SAMTOR: variants seen among roughly 807,000 people sequenced by gnomAD.
SAMTOR encodes UPF0532 protein C7orf60.
the SAMTOR span, among the ~76,000 whole-genome samples, chr7:112,831,091 G>A: frequency 6.6e-6 from 1 of 151,598 alleles, no homozygotes; most frequent in Admixed American, 6.6e-5. Flanking sequence ...TACAGCAATA[G>A]AGGGAAAAAA....
At chr7:112,880,454 AC>A in the SAMTOR span, among the ~76,000 whole-genome samples, 257 of 152,308 alleles carry the variant, frequency 1.7e-3, 5 homozygotes, top group East Asian at 0.012. Context: ...TAAAGAAGCA[AC>A]TGATAAGCAC....
At chr7:112,934,564 G>A in the SAMTOR span, among the ~76,000 whole-genome samples, 1 of 152,122 alleles carries the variant, frequency 6.6e-6, no homozygotes, top group Non-Finnish European at 1.5e-5. Flanking sequence ...CATCACTACT[G>A]TTATTTAAGC....
At chr7:112,840,310 G>C in the SAMTOR span, among the ~76,000 whole-genome samples, 1 of 151,838 alleles carries the variant, frequency 6.6e-6, no homozygotes, top group Non-Finnish European at 1.5e-5. Context: ...ACAAAACCTT[G>C]AGAACACTTA....
the SAMTOR span, among the ~76,000 whole-genome samples, chr7:112,909,801 T>G: frequency 4.0e-5 from 6 of 151,658 alleles, 1 homozygote; most frequent in South Asian, 1.2e-3. Context: ...TAAGCAAAAA[T>G]CTTATAATAT....
chr7:112,859,260 C>T, the SAMTOR span, among the ~76,000 whole-genome samples: 4 of 152,108 alleles, frequency 2.6e-5, no homozygotes, highest in African/African-American at 7.2e-5. Context: ...CACATAACAA[C>T]GTTTTCAGTC....
chr7:112,917,238 A>C, the SAMTOR span, among the ~76,000 whole-genome samples: 1 of 152,044 alleles, frequency 6.6e-6, no homozygotes, highest in Non-Finnish European at 1.5e-5. Context: ...ACGGCCGGGT[A>C]CTCCTCTGAG....
the SAMTOR span, among the ~76,000 whole-genome samples, chr7:112,870,399 T>G: frequency 2.0e-5 from 3 of 152,096 alleles, no homozygotes; most frequent in Non-Finnish European, 4.4e-5. Context: ...ACAACATTCT[T>G]AAAAGAAAAG....
chr7:112,867,634 C>A, the SAMTOR span, among the ~76,000 whole-genome samples: 1 of 152,110 alleles, frequency 6.6e-6, no homozygotes, highest in Non-Finnish European at 1.5e-5. Flanking sequence ...TGTGTCAAAA[C>A]TTTTGGATAA....
the SAMTOR span, among the ~76,000 whole-genome samples, chr7:112,884,759 G>C: frequency 6.6e-6 from 1 of 152,144 alleles, no homozygotes; most frequent in African/African-American, 2.4e-5. Flanking sequence ...GCAAGCTGCT[G>C]GTGGATCTAA....
At chr7:112,919,295 C>A in the SAMTOR span, among the ~76,000 whole-genome samples, 2 of 152,144 alleles carry the variant, frequency 1.3e-5, no homozygotes, top group African/African-American at 4.8e-5. Flanking sequence ...TTAAGAAACT[C>A]ACTCAAAACC....
the SAMTOR span, among the ~76,000 whole-genome samples, chr7:112,938,798 C>T: frequency 6.6e-6 from 1 of 152,218 alleles, no homozygotes; most frequent in African/African-American, 2.4e-5. Flanking sequence ...GCAAAAGCCA[C>T]TAAGGCTTCT....
the SAMTOR span, among the ~76,000 whole-genome samples, chr7:112,928,757 G>C: frequency 6.6e-6 from 1 of 151,928 alleles, no homozygotes; most frequent in Non-Finnish European, 1.5e-5. Flanking sequence ...GGTCAGAAAA[G>C]CAATAATTTC....
the SAMTOR span, among the ~76,000 whole-genome samples, chr7:112,847,819 T>C: frequency 6.6e-6 from 1 of 151,660 alleles, no homozygotes; most frequent in South Asian, 2.1e-4. Context: ...ACTGTCAACC[T>C]AGAAGCCCAA....
the SAMTOR span, among the ~76,000 whole-genome samples, chr7:112,901,780 TAC>T: frequency 1.3e-5 from 2 of 152,176 alleles, no homozygotes; most frequent in Non-Finnish European, 2.9e-5. Flanking sequence ...TCAAAGAAGA[TAC>T]ACAGAGTGGA....
At chr7:112,878,004 A>T in the SAMTOR span, among the ~76,000 whole-genome samples, 3 of 152,176 alleles carry the variant, frequency 2.0e-5, no homozygotes, top group Non-Finnish European at 2.9e-5. Context: ...ATCCGGTCTC[A>T]GGTTATAGAT....
At chr7:112,854,210 C>T in the SAMTOR span, among the ~76,000 whole-genome samples, 1 of 152,048 alleles carries the variant, frequency 6.6e-6, no homozygotes, top group African/African-American at 2.4e-5. Flanking sequence ...GGCAACTTAC[C>T]CTTAGCATTT....
the SAMTOR span, chr7:112,939,143 A>C: frequency 2.4e-5 from 4 of 168,126 alleles, no homozygotes; most frequent in African/African-American, 9.6e-5. Context: ...ATAAGGAAGC[A>C]AATGGTACAG....
At chr7:112,888,751 A>T in the SAMTOR span, among the ~76,000 whole-genome samples, 1 of 152,192 alleles carries the variant, frequency 6.6e-6, no homozygotes, top group Non-Finnish European at 1.5e-5. Flanking sequence ...CGAACTTGCT[A>T]TCTAAACTAA....
chr7:112,844,478 CA>C, the SAMTOR span, among the ~76,000 whole-genome samples: 29 of 150,450 alleles, frequency 1.9e-4, no homozygotes, highest in Admixed American at 9.9e-4. Flanking sequence ...CATTTCTATA[CA>C]CCAGTAAGGC....
Sources: gnomAD v4.1 joint callset for allele counts (sites outside exome capture counted in the v4.1 genomes callset) on GRCh38, gnomAD v4.1.1 for gene constraint, MANE v1.5 for transcripts, NCBI Gene and HGNC (gene_info 2026-07-23, HGNC 2026-07-21) for gene names.